Variants in ALK observed in about 807,000 individuals in gnomAD.
ALK encodes ALK tyrosine kinase receptor.
Under a neutral mutation model 163.1 loss-of-function variants are expected in ALK, and 74 were observed. The observed-to-expected ratio is 0.45, with a 90% CI of 0.38 to 0.55. The LOEUF is 0.55. ALK is among the 20% of genes least tolerant of loss of function. The pLI is 0.00. For missense variants in ALK, 2,063 were observed against 2,105.3 expected (o/e 0.98, Z 0.39); for synonymous variants, 960 against 843.2 (o/e 1.14, Z -2.40).
chr2:29,883,347 C>T (rs59045790), intron 1 of ALK, among the ~76,000 whole-genome samples: 9,657 of 152,214 alleles, frequency 0.063, 451 homozygotes, highest in East Asian at 0.14. Context: ...TATCCTACTG[C>T]CTTAATGCTG....
intron 1 of ALK, among the ~76,000 whole-genome samples, chr2:29,886,231 TTTATG>T (rs1417527800): frequency 1.3e-5 from 2 of 152,222 alleles, no homozygotes; most frequent in African/African-American, 2.4e-5. Flanking sequence ...TAACTGACTG[TTTATG>T]TTATCAGTAA....
chr2:29,547,263 C>G (rs1673580751), intron 3 of ALK, among the ~76,000 whole-genome samples: 1 of 152,194 alleles, frequency 6.6e-6, no homozygotes, highest in Non-Finnish European at 1.5e-5. Flanking sequence ...CTTTTAAACT[C>G]TTCAATTCCT....
At chr2:29,249,946 GC>G (rs1380067102) in intron 12 of ALK, among the ~76,000 whole-genome samples, 4 of 152,194 alleles carry the variant, frequency 2.6e-5, no homozygotes, top group Non-Finnish European at 5.9e-5. Flanking sequence ...AGCACTTAGG[GC>G]TGTCCCCGTA....
rs1452329958 is a variant in ALK, at chr2:29,559,124, T to C, written c.953-27008A>G. Among the ~76,000 whole-genome samples the C allele has an allele frequency of 2.0e-5, 3 of 152,220 alleles. No homozygotes were observed. In the East Asian group the frequency reaches 5.8e-4, roughly 29 times the overall value. ...TACCCAGATCTGAGGGCAAAAAGTGTTTCTGGAAGTGCTGGATGGACTTTT... is the reference window on the plus strand; with the variant it reads ...TACCCAGATCTGAGGGCAAAAAGTGCTTCTGGAAGTGCTGGATGGACTTTT... On this transcript the variant is annotated intron_variant, in intron 3 of 28. Coordinates refer to ENST00000389048, the MANE Select transcript of ALK (RefSeq NM_004304.5).
intron 3 of ALK, among the ~76,000 whole-genome samples, chr2:29,554,817 G>T (rs1673804741): frequency 6.6e-6 from 1 of 152,130 alleles, no homozygotes; most frequent in Non-Finnish European, 1.5e-5. Flanking sequence ...AGACCTTGCT[G>T]ATAAAACAGG....
chr2:29,534,142 G>A (rs370315298), intron 3 of ALK, among the ~76,000 whole-genome samples: 101 of 152,156 alleles, frequency 6.6e-4, no homozygotes, highest in African/African-American at 2.4e-3. Context: ...GCTTCATTTT[G>A]TGGATAATAG....
intron 2 of ALK, among the ~76,000 whole-genome samples, chr2:29,696,110 G>A (rs1363963916): frequency 1.3e-5 from 2 of 152,126 alleles, no homozygotes; most frequent in South Asian, 2.1e-4. Context: ...CACTGTTCAC[G>A]ATAGCAAAGA....
At chr2:29,665,089 C>G (rs1677474989) in intron 3 of ALK, among the ~76,000 whole-genome samples, 1 of 150,940 alleles carries the variant, frequency 6.6e-6, no homozygotes, top group Non-Finnish European at 1.5e-5. Context: ...CAGCCTTGAC[C>G]TCCTGGGCTC....
intron 1 of ALK, among the ~76,000 whole-genome samples, chr2:29,874,822 T>C (rs1241488636): frequency 6.6e-6 from 1 of 152,206 alleles, no homozygotes; most frequent in Non-Finnish European, 1.5e-5. Flanking sequence ...CACACCAAGA[T>C]ACGTCTTTAT....
intron 1 of ALK, among the ~76,000 whole-genome samples, chr2:29,850,846 G>C (rs1435469386): frequency 6.6e-6 from 1 of 152,274 alleles, no homozygotes; most frequent in Admixed American, 6.5e-5. Flanking sequence ...AGCCTGGTCT[G>C]GCTGCCCCAA....
Position 29,193,413 on chromosome 2 carries a change from C to G in ALK, c.4674G>C (p.Glu1558Asp), listed in dbSNP as rs1254261436. 1 of 1,614,184 alleles carries G rather than the reference C, an allele frequency of 6.2e-7. No homozygotes were observed. Among genetic ancestry groups the G allele is most frequent in the East Asian group, 2.2e-5 (1 of 44,868 alleles). The change falls in exon 29 of 29, where the codon GAG becomes GAC. Residue 1558 changes from glutamate (E) to aspartate (D), a missense_variant. Glu to Asp is a conservative substitution (Grantham distance 45). Transcript: ENST00000389048. ...TCATATTGGCAGTCAGCGAAGAGGG[C>G]TCTAGGAGCAGTGAGGCCCCCGGAA... ...GRLPGASLLL[E>D]PSSLTANMKE...
intron 1 of ALK, among the ~76,000 whole-genome samples, chr2:29,887,681 C>A (rs530921133): frequency 3.3e-5 from 5 of 152,240 alleles, no homozygotes; most frequent in Admixed American, 2.6e-4. Flanking sequence ...TTAACAGATT[C>A]CCAAGTGATG....
intron 3 of ALK, among the ~76,000 whole-genome samples, chr2:29,571,072 T>C (rs1674354756): frequency 6.6e-6 from 1 of 151,988 alleles, no homozygotes; most frequent in Non-Finnish European, 1.5e-5. Flanking sequence ...GAGCCCACAG[T>C]CCTGGAGGGA....
intron 1 of ALK, among the ~76,000 whole-genome samples, chr2:29,859,006 C>G (rs948323823): frequency 6.6e-6 from 1 of 151,734 alleles, no homozygotes; most frequent in African/African-American, 2.4e-5. Flanking sequence ...GCACTCCAGC[C>G]TGAGCAACAG....
chr2:29,855,579 AAATTAACAG>A (rs1666118383), intron 1 of ALK, among the ~76,000 whole-genome samples: 1 of 152,204 alleles, frequency 6.6e-6, no homozygotes, highest in Non-Finnish European at 1.5e-5. Context: ...ACTTTGGGAA[AAATTAACAG>A]AAGAGTTCCT....
intron 11 of ALK, among the ~76,000 whole-genome samples, chr2:29,252,170 AC>A (rs1199501811): frequency 1.9e-4 from 24 of 129,492 alleles, no homozygotes; most frequent in African/African-American, 6.1e-4. Flanking sequence ...CACAAACTGC[AC>A]CCCCCCACCC....
intron 1 of ALK, among the ~76,000 whole-genome samples, chr2:29,773,773 A>C (rs1340437610): frequency 6.6e-6 from 1 of 152,220 alleles, no homozygotes; most frequent in Non-Finnish European, 1.5e-5. Context: ...TTTAAAACGC[A>C]TCATAAAAAA....
In ALK at chr2:29,920,681, C is replaced by T. The variant is rs749784562; in HGVS notation, c.-22G>A. The T allele has an allele frequency of 6.5e-7, 1 of 1,529,676 alleles. No individual in the cohort carries two copies. Among genetic ancestry groups the T allele is most frequent in the African/African-American group, 1.4e-5 (1 of 73,028 alleles). 94.8% of individuals were successfully genotyped at this position (1,529,676 alleles called of 1,614,324 possible). ...CCATCCCGCCGGAGGAGGCCGTTTA[C>T]ACTGCTCTCCGGGCCCAGCCTCACC... is the stretch of plus-strand genomic sequence containing the variant. On this transcript the variant is annotated 5_prime_UTR_variant, in exon 1 of 29. Coordinates refer to ENST00000389048, the MANE Select transcript of ALK (RefSeq NM_004304.5).
chr2:29,822,384 T>C (rs757085204), intron 1 of ALK, among the ~76,000 whole-genome samples: 14 of 152,142 alleles, frequency 9.2e-5, no homozygotes, highest in Non-Finnish European at 1.8e-4. Context: ...AGTTTTCAGG[T>C]GGGAGGAGGA....
Sources: gnomAD v4.1 joint callset for allele counts (sites outside exome capture counted in the v4.1 genomes callset) on GRCh38, gnomAD v4.1.1 for gene constraint, MANE v1.5 for transcripts, NCBI Gene and HGNC (gene_info 2026-07-23, HGNC 2026-07-21) for gene names.